Variants in KHDRBS2 observed in about 807,000 individuals in gnomAD.
The protein encoded by KHDRBS2 is KH domain-containing, RNA-binding, signal transduction-associated protein 2.
Under a neutral mutation model 44.3 loss-of-function variants are expected in KHDRBS2, and 26 were observed. That is an observed-to-expected ratio of 0.59 (90% CI 0.43 to 0.81). The LOEUF (loss-of-function observed/expected upper bound fraction) is 0.81. Among genes scored for constraint, KHDRBS2 ranks in the 40% least tolerant of loss-of-function variants. The pLI is 0.00. For missense variants in KHDRBS2, 476 were observed against 433.1 expected (o/e 1.10, Z -0.88); for synonymous variants, 194 against 151.1 (o/e 1.28, Z -2.08).
chr6:61,582,296 A>T, the KHDRBS2 span, among the ~76,000 whole-genome samples: 1 of 151,906 alleles, frequency 6.6e-6, no homozygotes, highest in East Asian at 1.9e-4. Context: ...TTAGAAAATG[A>T]TACAAGCAAA....
chr6:61,560,718 T>C, the KHDRBS2 span, among the ~76,000 whole-genome samples: 1 of 152,188 alleles, frequency 6.6e-6, no homozygotes, highest in African/African-American at 2.4e-5. Flanking sequence ...ATTCCTTCTC[T>C]ATGGTATCTC....
At chr6:62,240,672 G>GTATATATATATATATATATA (rs4036655) in intron 1 of KHDRBS2, among the ~76,000 whole-genome samples, 1 of 64,162 alleles carries the variant, frequency 1.6e-5, no homozygotes, top group African/African-American at 5.3e-5. Flanking sequence ...ATGTGTGTGT[G>GTATATATATATATATATATA]TATATATATA....
chr6:62,238,777 G>A (rs1418055200), intron 1 of KHDRBS2, among the ~76,000 whole-genome samples: 5 of 151,148 alleles, frequency 3.3e-5, no homozygotes, highest in African/African-American at 1.2e-4. Context: ...TATTACAGTG[G>A]GAAAATTTTT....
the KHDRBS2 span, chr6:61,574,335 G>C: frequency 6.5e-7 from 1 of 1,528,686 alleles, no homozygotes; most frequent in East Asian, 2.5e-5. Flanking sequence ...TGAATGGCTC[G>C]ACGAGGTTTC....
chr6:62,019,447 A>T (rs1175235066), intron 3 of KHDRBS2, among the ~76,000 whole-genome samples: 1 of 152,042 alleles, frequency 6.6e-6, no homozygotes, highest in African/African-American at 2.4e-5. Flanking sequence ...TATCAGGGCA[A>T]TGCTGGCATC....
chr6:61,968,275 C>G (rs1770563581), intron 4 of KHDRBS2, among the ~76,000 whole-genome samples: 1 of 151,842 alleles, frequency 6.6e-6, no homozygotes, highest in African/African-American at 2.4e-5. Flanking sequence ...CATCATCTTG[C>G]TTCTAGATAT....
the KHDRBS2 span, among the ~76,000 whole-genome samples, chr6:61,633,077 A>G: frequency 6.6e-6 from 1 of 152,092 alleles, no homozygotes. Context: ...AATTTGACAA[A>G]GTGTGACCCA....
intron 1 of KHDRBS2, among the ~76,000 whole-genome samples, chr6:62,265,420 CTGTGTA>C (rs952299927): frequency 1.6e-4 from 25 of 151,656 alleles, no homozygotes; most frequent in African/African-American, 4.8e-4. Context: ...GTGTGTATGT[CTGTGTA>C]TGTGTATGTG....
chr6:61,954,577 G>GTATATATACACATACATACGTATGTAT (rs1562510823), intron 4 of KHDRBS2, among the ~76,000 whole-genome samples: 23 of 104,158 alleles, frequency 2.2e-4, no homozygotes, highest in East Asian at 3.4e-4. Flanking sequence ...TACGTATGTA[G>GTATATATACACATACATACGTATGTAT]ACATATTTAT....
intron 2 of KHDRBS2, among the ~76,000 whole-genome samples, chr6:62,084,015 G>A (rs1405618684): frequency 3.3e-5 from 5 of 152,110 alleles, no homozygotes; most frequent in Admixed American, 6.5e-5. Flanking sequence ...ATTTTCATAC[G>A]TTAGAGAATG....
the KHDRBS2 span, among the ~76,000 whole-genome samples, chr6:61,625,373 A>T: frequency 2.7e-5 from 4 of 149,370 alleles, no homozygotes; most frequent in Non-Finnish European, 4.4e-5. Context: ...ACTCTGAGGC[A>T]TTCGAGATGG....
chr6:61,909,447 C>CA lies in KHDRBS2; in HGVS notation c.484-8077dup, dbSNP rs200189015. Among the ~76,000 whole-genome samples, 1,380 of 152,046 alleles carry CA rather than the reference C, an allele frequency of 9.1e-3. 9 individuals are homozygous for CA. Among genetic ancestry groups the CA allele is most frequent in the Middle Eastern group, 0.017 (5 of 292 alleles). On this transcript the variant is annotated intron_variant, in intron 4 of 8. Coordinates refer to ENST00000281156, the MANE Select transcript of KHDRBS2 (RefSeq NM_152688.4). ...TCCAAATAATTCGCTTTTTTGCTAC[C>CA]AAAATAAATTTTAAAACCTTGTTAT...
At chr6:61,697,340 TGCTGAGGTAATATTCCA>T in intron 7 of KHDRBS2, 87 bp from the exon 8 acceptor site, 1 of 814,962 alleles carries the variant, frequency 1.2e-6, no homozygotes, top group Admixed American at 1.8e-5. Flanking sequence ...GCAAAATGTG[TGCTGAGGTAATATTCCA>T]GGAACTTCAA....
At chr6:62,272,011 C>A (rs553475471) in intron 1 of KHDRBS2, among the ~76,000 whole-genome samples, 2 of 152,284 alleles carry the variant, frequency 1.3e-5, no homozygotes, top group East Asian at 1.9e-4. Context: ...TCACCCAGAG[C>A]AACTTCCAGT....
chr6:61,777,032 A>T (rs1782159000), intron 6 of KHDRBS2, among the ~76,000 whole-genome samples: 1 of 152,008 alleles, frequency 6.6e-6, no homozygotes, highest in South Asian at 2.1e-4. Flanking sequence ...GCAAACTATC[A>T]CAAGGACAAA....
chr6:61,917,788 A>G (rs1807297263), intron 4 of KHDRBS2, among the ~76,000 whole-genome samples: 1 of 151,978 alleles, frequency 6.6e-6, no homozygotes, highest in African/African-American at 2.4e-5. Context: ...TGAGTGTGAA[A>G]CTACTCTAAA....
chr6:61,633,341 T>G, the KHDRBS2 span, among the ~76,000 whole-genome samples: 4 of 152,066 alleles, frequency 2.6e-5, no homozygotes, highest in Admixed American at 2.6e-4. Flanking sequence ...GAACTTATTT[T>G]AAAAATAATT....
intron 3 of KHDRBS2, among the ~76,000 whole-genome samples, chr6:62,031,867 C>A (rs1784394120): frequency 6.6e-6 from 1 of 151,964 alleles, no homozygotes; most frequent in African/African-American, 2.4e-5. Context: ...GATTGTAGAA[C>A]CCCAGAGCCT....
intron 2 of KHDRBS2, among the ~76,000 whole-genome samples, chr6:62,169,730 A>C (rs1486820658): frequency 6.6e-6 from 1 of 152,004 alleles, no homozygotes; most frequent in African/African-American, 2.4e-5. Flanking sequence ...GCATTACACC[A>C]CACACTTCTA....
Sources: allele counts gnomAD v4.1 joint callset (sites outside exome capture counted in the v4.1 genomes callset), GRCh38; gene constraint gnomAD v4.1.1; transcripts MANE v1.5; gene names NCBI Gene and HGNC (gene_info 2026-07-23, HGNC 2026-07-21).